The following ZNF738 variants were observed in gnomAD, a reference collection of about 807,000 sequenced individuals.
The protein encoded by ZNF738 is protein ZNF738.
A neutral mutation model predicts 9.2 loss-of-function variants in ZNF738; 10 were observed. The ratio of observed to expected loss-of-function variants is 1.09; its 90% CI spans 0.67 to 1.85. ZNF738 has a LOEUF of 1.85. Ranked by LOEUF, ZNF738 falls within the 40% of genes most tolerant of loss-of-function variation. The probability of loss-of-function intolerance (pLI) is 0.00; values close to 1 mark genes in which losing one functional copy is unlikely to be tolerated. For missense variants in ZNF738, 346 were observed against 283.6 expected (o/e 1.22, Z -1.58); for synonymous variants, 113 against 94.5 (o/e 1.20, Z -1.14).
chr19:21,366,612 G>A (rs552673651), intron 2 of ZNF738, among the ~76,000 whole-genome samples: 2 of 152,322 alleles, frequency 1.3e-5, no homozygotes, highest in African/African-American at 4.8e-5. Context: ...GTCATAAAGT[G>A]AAAGCAAATT....
At chr19:21,375,173 T>C in intron 2 of ZNF738, 65 bp from the exon 3 acceptor site, 1 of 824,926 alleles carries the variant, frequency 1.2e-6, no homozygotes, top group Non-Finnish European at 1.9e-6. Context: ...CATTTAACCT[T>C]AATTCAAATG....
chr19:21,383,336 G>T lies in ZNF738; in HGVS notation c.790G>T (p.Glu264Ter). The change falls in exon 5 of 5, where the codon GAA (glutamate) becomes TAA (stop). Residue 264 changes from glutamate (E) to a stop codon, truncating the protein, a stop_gained. Transcript: ENST00000683779. LOFTEE classifies it low-confidence loss of function (END_TRUNC). ...HTGDKSYKHE[E>*]CGKGFNHSTT... ...TGGAGACAAATCCTACAAACATGAA[G>T]AATGTGGAAAAGGTTTTAACCACTC... 2 of 1,374,782 alleles carry T rather than the reference G, an allele frequency of 1.5e-6. No homozygotes were observed. The highest frequency in any genetic ancestry group is 2.0e-6 in the Non-Finnish European group (2 of 982,680). 85.2% of individuals were successfully genotyped at this position (1,374,782 alleles called of 1,614,324 possible).
rs1974056758 is a variant in ZNF738, at chr19:21,385,515, C to T, written c.*1841C>T. ...GAGTTCATACTAGAGAGAAACCCTG[C>T]AAATGTGAAGAATGTGAGAAAGCTC... On this transcript the variant is annotated 3_prime_UTR_variant, in exon 5 of 5. Transcript: ENST00000683779. 6.6e-6 allele frequency among the ~76,000 whole-genome samples: 1 copy of T among 151,778 alleles called. No individual in the cohort carries two copies. The highest frequency in any genetic ancestry group is 1.5e-5 in the Non-Finnish European group (1 of 67,918).
rs1200328420 is a variant in ZNF738, at chr19:21,388,374, T to C, written c.*4700T>C. On this transcript the variant is annotated 3_prime_UTR_variant, in exon 5 of 5. Coordinates refer to ENST00000683779, the MANE Select transcript of ZNF738 (RefSeq NM_001355237.2). ...AGGTGGGCATTTATGATCTTTTCTA[T>C]GGACAAGTAAGGACATTAGAATGTA... Among the ~76,000 whole-genome samples, 1 of 152,154 alleles carries C rather than the reference T, an allele frequency of 6.6e-6. No homozygotes were observed. The highest frequency in any genetic ancestry group is 6.5e-5 in the Admixed American group (1 of 15,272).
In ZNF738 at chr19:21,387,271, C is replaced by T. The variant is rs552198208; in HGVS notation, c.*3597C>T. ...TGGCATGATGTCGGCTCACTGCAAA[C>T]TCCGCCTCCCAGGTTCAAGTGATTC... On this transcript the variant is annotated 3_prime_UTR_variant, in exon 5 of 5. Transcript: ENST00000683779. 1 of 152,194 alleles carries T rather than the reference C, an allele frequency of 6.6e-6. No homozygotes were observed. The highest frequency in any genetic ancestry group is 2.4e-5 in the African/African-American group (1 of 41,534). 9.4% of individuals were successfully genotyped at this position (152,194 alleles called of 1,614,324 possible).
intron 2 of ZNF738, chr19:21,371,997 G>C (rs1390514958): frequency 6.5e-6 from 1 of 152,924 alleles, no homozygotes; most frequent in African/African-American, 2.4e-5. Context: ...AGGCTGGAGT[G>C]CAATGGCGCG....
At position 21,359,066 on chromosome 19, in the gene ZNF738, C is replaced by A. The variant is rs185051468; in HGVS notation, c.-75C>A. The A allele has an allele frequency of 1.1e-6, 1 of 903,290 alleles. No individual in the cohort carries two copies. Among genetic ancestry groups the A allele is most frequent in the East Asian group, 2.4e-5 (1 of 40,822 alleles). 56.0% of individuals were successfully genotyped at this position (903,290 alleles called of 1,614,324 possible). On this transcript the variant is annotated 5_prime_UTR_variant, in exon 1 of 5. Transcript: ENST00000683779. ...CTCTGTGTCCTCTGCTCCTAGAGGC[C>A]CAGCCTCTGGTCCTGTGACCTGCAG...
intron 4 of ZNF738, chr19:21,381,480 C>T (rs1599720144): frequency 8.9e-7 from 1 of 1,128,310 alleles, no homozygotes; most frequent in Non-Finnish European, 1.3e-6. Context: ...CCTACAAGCT[C>T]AGGCTTACCT....
intron 4 of ZNF738, chr19:21,382,056 T>TTC (rs1471376348): frequency 2.0e-5 from 2 of 99,170 alleles, no homozygotes; most frequent in Non-Finnish European, 3.8e-5. Context: ...ACTTCTTTTT[T>TTC]TCTTTCTTTC....
intron 2 of ZNF738, among the ~76,000 whole-genome samples, chr19:21,369,868 C>T (rs1446537941): frequency 1.3e-5 from 2 of 150,366 alleles, no homozygotes; most frequent in African/African-American, 4.9e-5. Context: ...GGCTGGAGTG[C>T]TATGGCATGA....
Position 21,385,893 on chromosome 19 carries a change from A to G in ZNF738, c.*2219A>G, listed in dbSNP as rs1304838489. 1.3e-5 allele frequency among the ~76,000 whole-genome samples: 2 copies of G among 152,024 alleles called. No individual in the cohort carries two copies. The highest frequency in any genetic ancestry group is 1.9e-4 in the East Asian group (1 of 5,134). ...GCAAAGGCTTTAATTTGTCCTCAAC[A>G]CTTACTAAACAGAATTCATAGCAGA... On this transcript the variant is annotated 3_prime_UTR_variant, in exon 5 of 5. Transcript: ENST00000683779.
chr19:21,381,661 T>C, intron 4 of ZNF738: 1 of 430,064 alleles, frequency 2.3e-6, no homozygotes, highest in Non-Finnish European at 4.3e-6. Flanking sequence ...GCCTGGCTGA[T>C]TTTTTGTATT....
At position 21,386,539 on chromosome 19, in the gene ZNF738, T is replaced by C. The variant is rs1974069626; in HGVS notation, c.*2865T>C. 8.2e-6 allele frequency: 3 copies of C among 364,876 alleles called. No homozygotes were observed. The highest frequency in any genetic ancestry group is 1.7e-5 in the Non-Finnish European group (3 of 179,214). 22.6% of individuals were successfully genotyped at this position (364,876 alleles called of 1,614,324 possible). A position where few individuals can be genotyped will look rare whatever the true frequency, so the allele number is the denominator to read the frequency against. The stretch of plus-strand genomic sequence containing the variant: ...ATGTGGCAAAGCTTTTAACCAGTCC[T>C]ACAAACCTTTTTGAACAAAATAATT... On this transcript the variant is annotated 3_prime_UTR_variant, in exon 5 of 5. Transcript: ENST00000683779.
chr19:21,375,193 GC>G, intron 2 of ZNF738, 44 bp from the exon 3 acceptor site: 1 of 892,788 alleles, frequency 1.1e-6, no homozygotes, highest in South Asian at 1.9e-5. Context: ...GATAAATTCT[GC>G]CCGTGGACAC....
At chr19:21,359,842 A>C (rs1963532) in intron 1 of ZNF738, among the ~76,000 whole-genome samples, 85,796 of 151,726 alleles carry the variant, frequency 0.57, 24,532 homozygotes, top group Middle Eastern at 0.69. Context: ...GTGCCACTGC[A>C]CTCCAGCCTG....
chr19:21,369,892 C>T (rs1973835213), intron 2 of ZNF738, among the ~76,000 whole-genome samples: 1 of 151,838 alleles, frequency 6.6e-6, no homozygotes, highest in African/African-American at 2.4e-5. Context: ...CAGCTTACTG[C>T]AACCTCCACC....
intron 2 of ZNF738, among the ~76,000 whole-genome samples, chr19:21,371,682 G>A (rs987273823): frequency 2.0e-5 from 3 of 152,292 alleles, no homozygotes; most frequent in African/African-American, 7.2e-5. Flanking sequence ...GTGAATAGAA[G>A]TGTGCAAAAA....
Position 21,359,040 on chromosome 19 carries a change from G to T in ZNF738, c.-101G>T, listed in dbSNP as rs192938358. On this transcript the variant is annotated 5_prime_UTR_variant, in exon 1 of 5. Transcript: ENST00000683779. ...TGGAACTCCGGGTCTCGTCTTCACT[G>T]CTCTGTGTCCTCTGCTCCTAGAGGC... is the stretch of plus-strand genomic sequence containing the variant. The T allele has an allele frequency of 3.8e-5, 31 of 815,048 alleles. No individual in the cohort carries two copies. In the East Asian group the frequency reaches 7.6e-4, roughly 20 times the overall value. 50.5% of individuals were successfully genotyped at this position (815,048 alleles called of 1,614,324 possible). A position where few individuals can be genotyped will look rare whatever the true frequency, so the allele number is the denominator to read the frequency against.
intron 2 of ZNF738, among the ~76,000 whole-genome samples, chr19:21,364,856 CT>C (rs1973754554): frequency 6.7e-6 from 1 of 150,022 alleles, no homozygotes. Flanking sequence ...AGTGATTCTC[CT>C]GCCTCAGCCT....
Sources: allele counts gnomAD v4.1 joint callset (sites outside exome capture counted in the v4.1 genomes callset), GRCh38; gene constraint gnomAD v4.1.1; transcripts MANE v1.5; gene names NCBI Gene and HGNC (gene_info 2026-07-23, HGNC 2026-07-21).